Variants in LRMDA observed in about 807,000 individuals in gnomAD.
The protein encoded by LRMDA is leucine-rich melanocyte differentiation-associated protein.
In LRMDA, 18 loss-of-function variants were observed where a neutral mutation model predicts 29.8. That is an observed-to-expected ratio of 0.60 (90% CI 0.42 to 0.90). LRMDA has a LOEUF of 0.90. Ranked by LOEUF, LRMDA falls within the 40% of genes least tolerant of loss-of-function variation. The pLI, the probability that LRMDA is intolerant of heterozygous loss-of-function variation, is 0.00. For synonymous variants in LRMDA, 125 were observed against 109.4 expected (o/e 1.14, Z -0.89); for missense variants, 273 against 273.9 (o/e 1.00, Z 0.02).
intron 2 of LRMDA, among the ~76,000 whole-genome samples, chr10:75,792,872 A>G (rs1843592714): frequency 6.6e-6 from 1 of 152,222 alleles, no homozygotes; most frequent in Non-Finnish European, 1.5e-5. Context: ...GGTGAGTGCT[A>G]TGTAAGTTGG....
chr10:75,984,587 C>T (rs866056545), intron 2 of LRMDA, among the ~76,000 whole-genome samples: 4 of 152,224 alleles, frequency 2.6e-5, no homozygotes, highest in South Asian at 4.1e-4. Flanking sequence ...CTCTTTTGTC[C>T]GTGGCCCTGT....
intron 2 of LRMDA, among the ~76,000 whole-genome samples, chr10:75,791,783 T>A (rs1462249978): frequency 1.3e-5 from 2 of 151,980 alleles, no homozygotes; most frequent in African/African-American, 4.8e-5. Context: ...ATGGTAATGA[T>A]CTGACCGCTT....
intron 2 of LRMDA, among the ~76,000 whole-genome samples, chr10:75,982,016 T>G (rs1847181582): frequency 6.6e-6 from 1 of 152,130 alleles, no homozygotes; most frequent in Non-Finnish European, 1.5e-5. Flanking sequence ...TGGCCTCCAG[T>G]GTTTCTCTTC....
At chr10:76,123,414 T>C (rs1378103210) in intron 5 of LRMDA, among the ~76,000 whole-genome samples, 1 of 150,072 alleles carries the variant, frequency 6.7e-6, no homozygotes, top group Non-Finnish European at 1.5e-5. Flanking sequence ...GAGACTAAGG[T>C]GGGAGGATCA....
chr10:75,581,366 A>C (rs924482705), intron 2 of LRMDA, among the ~76,000 whole-genome samples: 1 of 152,268 alleles, frequency 6.6e-6, no homozygotes, highest in African/African-American at 2.4e-5. Context: ...CCACAATGAG[A>C]TACCATCTCA....
chr10:76,189,668 T>C (rs1284073430), intron 5 of LRMDA, among the ~76,000 whole-genome samples: 2 of 152,242 alleles, frequency 1.3e-5, no homozygotes, highest in Non-Finnish European at 2.9e-5. Flanking sequence ...CTTGAAAATT[T>C]AACATATTTC....
intron 6 of LRMDA, among the ~76,000 whole-genome samples, chr10:76,544,562 A>G (rs918491051): frequency 6.6e-6 from 1 of 152,166 alleles, no homozygotes; most frequent in African/African-American, 2.4e-5. Context: ...ATGCTCTTCT[A>G]CTATTTTCCT....
At chr10:76,328,141 G>T (rs2132403001) in intron 6 of LRMDA, among the ~76,000 whole-genome samples, 1 of 152,308 alleles carries the variant, frequency 6.6e-6, no homozygotes, top group South Asian at 2.1e-4. Context: ...ATGGGAATGT[G>T]TCAGTAATCT....
intron 6 of LRMDA, among the ~76,000 whole-genome samples, chr10:76,520,747 G>A (rs1338957258): frequency 6.6e-6 from 1 of 152,106 alleles, no homozygotes; most frequent in African/African-American, 2.4e-5. Context: ...TTCAGGCCAT[G>A]CACATTTCAA....
At chr10:76,475,580 A>AT (rs1472963328) in intron 6 of LRMDA, among the ~76,000 whole-genome samples, 4 of 152,102 alleles carry the variant, frequency 2.6e-5, no homozygotes, top group African/African-American at 9.7e-5. Context: ...CTCCACCCCA[A>AT]ATCAACAGAA....
chr10:75,745,352 T>C (rs969265198), intron 2 of LRMDA, among the ~76,000 whole-genome samples: 1 of 152,180 alleles, frequency 6.6e-6, no homozygotes, highest in Admixed American at 6.5e-5. Flanking sequence ...GAAATTCACA[T>C]AACATGATTC....
chr10:75,717,472 C>T (rs543871560), intron 2 of LRMDA, among the ~76,000 whole-genome samples: 10 of 152,208 alleles, frequency 6.6e-5, no homozygotes, highest in South Asian at 4.1e-4. Context: ...CTTATTGCCA[C>T]GCTGCAGAGG....
At chr10:76,430,505 T>C (rs1224748323) in intron 6 of LRMDA, among the ~76,000 whole-genome samples, 1 of 152,184 alleles carries the variant, frequency 6.6e-6, no homozygotes. Context: ...TGATTTATGG[T>C]ACAAAATTAG....
At chr10:76,501,876 GTCTA>G (rs1360478403) in intron 6 of LRMDA, among the ~76,000 whole-genome samples, 2 of 151,896 alleles carry the variant, frequency 1.3e-5, no homozygotes, top group African/African-American at 4.8e-5. Flanking sequence ...GGGCTCACTT[GTCTA>G]TTTTTGTTTT....
chr10:76,543,321 T>C lies in LRMDA; in HGVS notation c.602-13888T>C, dbSNP rs1589231531. Among the ~76,000 whole-genome samples the C allele has an allele frequency of 1.8e-3, 13 of 7,356 alleles. No homozygotes were observed. The South Asian group carries it at 0.027, about 15-fold the overall frequency. 4.8% of individuals were successfully genotyped at this position (7,356 alleles called of 152,430 possible). ...TAGTTGTTATTGGGGTGTGCCTGTGTGTGTGTGTGTGTGTGTGTGTGTGTG... is the reference window on the plus strand; with the variant it reads ...TAGTTGTTATTGGGGTGTGCCTGTGCGTGTGTGTGTGTGTGTGTGTGTGTG... On this transcript the variant is annotated intron_variant, in intron 6 of 6. Transcript: ENST00000611255.
intron 2 of LRMDA, among the ~76,000 whole-genome samples, chr10:75,943,045 A>T (rs966912245): frequency 1.3e-5 from 2 of 151,914 alleles, no homozygotes; most frequent in Non-Finnish European, 2.9e-5. Flanking sequence ...GTCTCCGAGT[A>T]GGTTAGGAAC....
At chr10:76,376,346 G>C (rs1204452755) in intron 6 of LRMDA, among the ~76,000 whole-genome samples, 1 of 152,038 alleles carries the variant, frequency 6.6e-6, no homozygotes, top group Non-Finnish European at 1.5e-5. Flanking sequence ...GGGCTAAGTA[G>C]TATTCCATAA....
chr10:75,891,750 G>A (rs1243755483), intron 2 of LRMDA, among the ~76,000 whole-genome samples: 1 of 152,226 alleles, frequency 6.6e-6, no homozygotes, highest in Non-Finnish European at 1.5e-5. Context: ...AGAAGAAAGA[G>A]TTGAAAGGAT....
intron 6 of LRMDA, among the ~76,000 whole-genome samples, chr10:76,369,978 C>T (rs1232703867): frequency 3.9e-5 from 6 of 152,026 alleles, no homozygotes; most frequent in Non-Finnish European, 8.8e-5. Flanking sequence ...GTATCTGGAG[C>T]TTGCAGCACA....
Sources: allele counts gnomAD v4.1 joint callset (sites outside exome capture counted in the v4.1 genomes callset), GRCh38; gene constraint gnomAD v4.1.1; transcripts MANE v1.5; gene names NCBI Gene and HGNC (gene_info 2026-07-23, HGNC 2026-07-21).